Variants in SPAG16 observed in about 807,000 individuals in gnomAD.
The protein encoded by SPAG16 is sperm associated antigen 16.
In SPAG16, 86 loss-of-function variants were observed where a neutral mutation model predicts 80.4. The ratio of observed to expected loss-of-function variants is 1.07; its 90% CI spans 0.90 to 1.28. The LOEUF (loss-of-function observed/expected upper bound fraction) is 1.28. Among genes scored for constraint, SPAG16 ranks in the 50% most tolerant of loss-of-function variants. The pLI is 0.00. For synonymous variants in SPAG16, 294 were observed against 265.9 expected (o/e 1.11, Z -1.03); for missense variants, 870 against 765.3 (o/e 1.14, Z -1.61).
At chr2:213,800,536 T>C (rs969671196) in intron 10 of SPAG16, among the ~76,000 whole-genome samples, 14 of 152,158 alleles carry the variant, frequency 9.2e-5, no homozygotes, top group Non-Finnish European at 1.8e-4. Context: ...CTCGTTTGTT[T>C]TGATTTTTTA....
intron 11 of SPAG16, among the ~76,000 whole-genome samples, chr2:213,905,268 G>T (rs936667834): frequency 6.6e-5 from 10 of 152,230 alleles, no homozygotes; most frequent in Middle Eastern, 3.4e-3. Context: ...TGTGGTTGGG[G>T]ATATGCTATT....
chr2:213,622,879 A>G (rs2125057885), intron 10 of SPAG16, among the ~76,000 whole-genome samples: 1 of 152,294 alleles, frequency 6.6e-6, no homozygotes, highest in South Asian at 2.1e-4. Context: ...TTCAGAAGAG[A>G]AATGTAACTC....
At chr2:213,409,471 G>A (rs1227522809) in intron 9 of SPAG16, among the ~76,000 whole-genome samples, 2 of 152,114 alleles carry the variant, frequency 1.3e-5, no homozygotes, top group Non-Finnish European at 2.9e-5. Flanking sequence ...AAACATACTC[G>A]CTAAAGTTAA....
intron 15 of SPAG16, among the ~76,000 whole-genome samples, chr2:214,280,482 C>A (rs1362692104): frequency 6.6e-6 from 1 of 152,134 alleles, no homozygotes; most frequent in Non-Finnish European, 1.5e-5. Flanking sequence ...TATGATGCTA[C>A]AATAATCAAG....
At chr2:214,200,282 G>A (rs141705358) in intron 15 of SPAG16, among the ~76,000 whole-genome samples, 29 of 151,990 alleles carry the variant, frequency 1.9e-4, no homozygotes, top group African/African-American at 7.0e-4. Context: ...TGTCGTTGAG[G>A]GTTTTGATCA....
chr2:214,200,980 G>C (rs1472153773), intron 15 of SPAG16, among the ~76,000 whole-genome samples: 1 of 152,132 alleles, frequency 6.6e-6, no homozygotes, highest in East Asian at 1.9e-4. Flanking sequence ...GCTTCTTCCG[G>C]CCAATTAACA....
intron 11 of SPAG16, among the ~76,000 whole-genome samples, chr2:213,881,603 C>T (rs917890662): frequency 2.6e-5 from 4 of 152,142 alleles, no homozygotes; most frequent in African/African-American, 7.2e-5. Context: ...GAACAAGGCA[C>T]CTTCTCCACA....
In SPAG16 at chr2:213,864,550, A is replaced by G. The variant is rs376603908; in HGVS notation, c.1214+1922A>G. ...GCCTAGGGTGGACACAGTATATACT[A>G]ACATTTACTGTCCTCCTATGCTCTT... On this transcript the variant is annotated intron_variant, in intron 11 of 15. Coordinates refer to ENST00000331683, the MANE Select transcript of SPAG16 (RefSeq NM_024532.5). 7.9e-5 allele frequency among the ~76,000 whole-genome samples: 12 copies of G among 152,216 alleles called. No individual in the cohort carries two copies. The East Asian group carries it at 2.3e-3, about 29-fold the overall frequency.
chr2:214,167,010 G>A (rs1441650652), intron 15 of SPAG16, among the ~76,000 whole-genome samples: 1 of 152,112 alleles, frequency 6.6e-6, no homozygotes, highest in Non-Finnish European at 1.5e-5. Flanking sequence ...GTTAGAAAGA[G>A]AGGAGGAGAA....
At chr2:213,328,937 A>T (rs1396208300) in intron 5 of SPAG16, among the ~76,000 whole-genome samples, 1 of 152,130 alleles carries the variant, frequency 6.6e-6, no homozygotes, top group African/African-American at 2.4e-5. Flanking sequence ...CTGATAGGGA[A>T]TAATAAGTCT....
At chr2:213,404,279 G>A (rs1575497338) in intron 9 of SPAG16, among the ~76,000 whole-genome samples, 1 of 152,276 alleles carries the variant, frequency 6.6e-6, no homozygotes, top group East Asian at 1.9e-4. Flanking sequence ...AACAAAGCTG[G>A]AGGCATCACT....
intron 10 of SPAG16, among the ~76,000 whole-genome samples, chr2:213,572,622 G>A (rs1031350448): frequency 1.3e-5 from 2 of 152,142 alleles, no homozygotes; most frequent in African/African-American, 4.8e-5. Context: ...CGTGCTGGGA[G>A]AACCACTGCT....
chr2:213,304,379 T>C (rs1227323734), intron 3 of SPAG16, among the ~76,000 whole-genome samples: 1 of 152,136 alleles, frequency 6.6e-6, no homozygotes, highest in Non-Finnish European at 1.5e-5. Context: ...TTTTAACTGA[T>C]GTGATCCCAT....
At chr2:213,575,588 G>T (rs2060096211) in intron 10 of SPAG16, among the ~76,000 whole-genome samples, 1 of 152,134 alleles carries the variant, frequency 6.6e-6, no homozygotes, top group South Asian at 2.1e-4. Context: ...TGTAAGTTCA[G>T]GTTGTTTAAT....
chr2:213,753,993 C>T (rs1197828573), intron 10 of SPAG16, among the ~76,000 whole-genome samples: 1 of 152,188 alleles, frequency 6.6e-6, no homozygotes, highest in African/African-American at 2.4e-5. Context: ...AAGTCTGCAG[C>T]TCACTGGACA....
chr2:213,492,545 G>T (rs1369682527), intron 10 of SPAG16, among the ~76,000 whole-genome samples: 2 of 151,514 alleles, frequency 1.3e-5, no homozygotes, highest in Non-Finnish European at 2.9e-5. Context: ...GCGAGACTCT[G>T]TCTCAAAAAA....
chr2:213,733,219 T>TG (rs1178476132), intron 10 of SPAG16, among the ~76,000 whole-genome samples: 2 of 21,944 alleles, frequency 9.1e-5, no homozygotes, highest in Non-Finnish European at 1.1e-3. Context: ...GTAATGGGGT[T>TG]GTTTTTTTTT....
intron 11 of SPAG16, among the ~76,000 whole-genome samples, chr2:213,896,900 C>T (rs1365809171): frequency 6.6e-6 from 1 of 151,654 alleles, no homozygotes; most frequent in Non-Finnish European, 1.5e-5. Flanking sequence ...TTGGTCATTA[C>T]CAGAGAGTGG....
intron 15 of SPAG16, among the ~76,000 whole-genome samples, chr2:214,165,352 A>C (rs1017536699): frequency 4.0e-5 from 6 of 151,820 alleles, no homozygotes; most frequent in Admixed American, 6.6e-5. Flanking sequence ...CTGTATCTGC[A>C]TACCCGTTTA....
Sources: gnomAD v4.1 joint callset for allele counts (sites outside exome capture counted in the v4.1 genomes callset) on GRCh38, gnomAD v4.1.1 for gene constraint, MANE v1.5 for transcripts, NCBI Gene and HGNC (gene_info 2026-07-23, HGNC 2026-07-21) for gene names.